The following TMC6 variants were observed in gnomAD, a reference collection of about 807,000 sequenced individuals.
TMC6 encodes the protein transmembrane channel like 6.
In TMC6, 71 loss-of-function variants were observed where a neutral mutation model predicts 95.4. That is an observed-to-expected ratio of 0.74 (90% CI 0.61 to 0.91). TMC6 has a LOEUF of 0.91. TMC6 is among the 40% of genes least tolerant of loss of function. TMC6 has a pLI of 0.00. For missense variants in TMC6, 1,074 were observed against 1,079.1 expected, an observed-to-expected ratio of 1.00 and a Z score of 0.07; for synonymous variants, 514 against 483.1, an observed-to-expected ratio of 1.06 and a Z score of -0.84.
chr17:78,117,215 C>A, intron 18 of TMC6, 54 bp downstream of exon 18: 1 of 1,582,326 alleles, frequency 6.3e-7, no homozygotes, highest in East Asian at 2.2e-5. Context: ...GGAGCGTCAC[C>A]CTCAGGTGAC....
chr17:78,118,380 C>T (rs1166861833), intron 15 of TMC6, among the ~76,000 whole-genome samples: 1 of 151,990 alleles, frequency 6.6e-6, no homozygotes, highest in Non-Finnish European at 1.5e-5. Context: ...ACAGTGAAAC[C>T]CCATCTCTAC....
At chr17:78,126,969 C>A (rs1050269298) in intron 1 of TMC6, 63 bp from the exon 2 acceptor site, 14 of 1,031,822 alleles carry the variant, frequency 1.4e-5, no homozygotes, top group Admixed American at 2.0e-5. Flanking sequence ...TCCACACCAC[C>A]CATTCCTGGG....
upstream of TMC6, chr17:78,130,632 T>C (rs1315442437): frequency 6.6e-6 from 1 of 152,306 alleles, no homozygotes; most frequent in African/African-American, 2.4e-5. Flanking sequence ...GCCTGTCACC[T>C]TCACCTCTGC....
chr17:78,128,999 G>T (rs2074888379), upstream of TMC6, among the ~76,000 whole-genome samples: 2 of 152,094 alleles, frequency 1.3e-5, no homozygotes, highest in Admixed American at 1.3e-4. This position sits in a 1 kb window ranked among gnomAD's most constrained non-coding sequence, Gnocchi z 4.0. Flanking sequence ...GTTTCCCCAA[G>T]TTCCAAAAAG....
chr17:78,124,515 C>T lies in TMC6; in HGVS notation c.891+9G>A. The stretch of plus-strand genomic sequence containing the variant: ...CACCCCCCGTCCCCCAGTCCTAGGG[C>T]TTCCTCACCGCGCCTGTGAGGAGCT... On this transcript the variant is annotated intron_variant, in intron 8 of 19. Transcript: ENST00000590602. The T allele has an allele frequency of 6.2e-7, 1 of 1,608,918 alleles. No homozygotes were observed. The highest frequency in any genetic ancestry group is 8.5e-7 in the Non-Finnish European group (1 of 1,179,790).
Position 78,119,052 on chromosome 17 carries a change from G to A in TMC6, c.1812-6C>T. ...GCGAGAAGAGCACCCCCAGCCTGGG[G>A]AGGGGGTGGCAGTTCAGGGGCTGCT... On this transcript the variant is annotated splice_region_variant and splice_polypyrimidine_tract_variant and intron_variant, in intron 14 of 19. Transcript: ENST00000590602. 1 of 1,577,600 alleles carries A rather than the reference G, an allele frequency of 6.3e-7. No homozygotes were observed. Among genetic ancestry groups the A allele is most frequent in the Non-Finnish European group, 8.6e-7 (1 of 1,161,254 alleles).
chr17:78,113,503 C>A, intron 19 of TMC6, 45 bp downstream of exon 19: 1 of 1,607,012 alleles, frequency 6.2e-7, no homozygotes, highest in Non-Finnish European at 8.5e-7. Context: ...TGGCCCCTCT[C>A]CCCTCCAGGC....
At chr17:78,114,363 C>G (rs1422879953) in intron 18 of TMC6, among the ~76,000 whole-genome samples, 8 of 152,170 alleles carry the variant, frequency 5.3e-5, no homozygotes, top group Non-Finnish European at 7.3e-5. Flanking sequence ...ATCTCCTATC[C>G]AAAGTCAGCT....
In TMC6 at chr17:78,122,454, G is replaced by A; in HGVS notation, c.1227+151C>T. 1.7e-6 allele frequency: 2 copies of A among 1,188,378 alleles called. No homozygotes were observed. The highest frequency in any genetic ancestry group is 2.3e-6 in the Non-Finnish European group (2 of 860,152). 73.6% of individuals were successfully genotyped at this position (1,188,378 alleles called of 1,614,324 possible). A position where few individuals can be genotyped will look rare whatever the true frequency, so the allele number is the denominator to read the frequency against. On this transcript the variant is annotated intron_variant, in intron 10 of 19. Coordinates refer to ENST00000590602, the MANE Select transcript of TMC6 (RefSeq NM_001127198.5). The surrounding 1 kb of genome is among the most constrained non-coding windows in gnomAD (Gnocchi z 4.9). ...CAGGGCCTGCCCGTCACTGCAAGCA[G>A]AAGACCACGCCTGCCCAGCGCCCCG...
At chr17:78,131,589 A>ATGC (rs1259899112), upstream of TMC6, 45 of 1,545,208 alleles carry the variant, frequency 2.9e-5, no homozygotes, top group Non-Finnish European at 3.8e-5. Flanking sequence ...GCCCGCCGAG[A>ATGC]TGCTGCTGCC....
intron 8 of TMC6, 164 bp downstream of exon 8, chr17:78,124,360 C>A (rs528228226): frequency 1.5e-6 from 2 of 1,344,732 alleles, no homozygotes; most frequent in Non-Finnish European, 2.0e-6. Context: ...GCACGATGAG[C>A]ATCCAGGGTC....
chr17:78,122,630 T>C lies in TMC6; in HGVS notation c.1202A>G (p.Gln401Arg). 6.2e-7 allele frequency: 1 copy of C among 1,611,848 alleles called. No homozygotes were observed. Among genetic ancestry groups the C allele is most frequent in the Non-Finnish European group, 8.5e-7 (1 of 1,179,914 alleles). The change falls in exon 10 of 20, where the codon CAG (glutamine) becomes CGG (arginine). Residue 401 changes from glutamine to arginine, a missense_variant. Coordinates refer to ENST00000590602, the MANE Select transcript of TMC6 (RefSeq NM_001127198.5). The surrounding 1 kb of genome is among the most constrained non-coding windows in gnomAD (Gnocchi z 4.9). ...VTQKRASRLQQDNIRTRLKEL... is the reference protein window; with the variant it reads ...VTQKRASRLQRDNIRTRLKEL... ...CTTCAGCCGGGTGCGAATATTGTCC[T>C]GCTGGAGGCGGGAGGCCCGCTTCTG...
intron 8 of TMC6, 148 bp downstream of exon 8, chr17:78,124,376 G>T (rs1380360485): frequency 2.9e-6 from 4 of 1,394,904 alleles, no homozygotes; most frequent in East Asian, 2.4e-5. Context: ...GGGTCATTGA[G>T]GGGGAGGCGG....
chr17:78,131,655 G>A (rs1343120953), upstream of TMC6: 1 of 1,564,472 alleles, frequency 6.4e-7, no homozygotes, highest in Non-Finnish European at 8.7e-7. Context: ...GGAGCTGTGG[G>A]AGGCAGAGAT....
In TMC6 at chr17:78,126,519, C is replaced by T; in HGVS notation, c.181+5G>A. On this transcript the variant is annotated splice_donor_5th_base_variant and intron_variant, in intron 3 of 19. Transcript: ENST00000590602. ...ACACCACCCAGCATCCAGGCCTGAG[C>T]TCACCTGTCACCTCCCGCTCTCTCT... The T allele has an allele frequency of 6.2e-7, 1 of 1,613,340 alleles. No homozygotes were observed. Among genetic ancestry groups the T allele is most frequent in the South Asian group, 1.1e-5 (1 of 91,086 alleles).
At position 78,121,834 on chromosome 17, in the gene TMC6, G is replaced by T; in HGVS notation, c.1228-123C>A. The T allele has an allele frequency of 1.5e-6, 2 of 1,298,764 alleles. No individual in the cohort carries two copies. The highest frequency in any genetic ancestry group is 1.5e-5 in the South Asian group (1 of 67,734). The allele number at this position is 1,298,764 out of a possible 1,614,324, so 80.5% of individuals were successfully genotyped here. A position where few individuals can be genotyped will look rare whatever the true frequency, so the allele number is the denominator to read the frequency against. ...CAGGAGGCTTGAACCAGGACAGAGGGCCAGTTCCCCATGCCCCACCTGCCC... is the reference window on the plus strand; with the variant it reads ...CAGGAGGCTTGAACCAGGACAGAGGTCCAGTTCCCCATGCCCCACCTGCCC... On this transcript the variant is annotated intron_variant, in intron 10 of 19. Coordinates refer to ENST00000590602, the MANE Select transcript of TMC6 (RefSeq NM_001127198.5). This position sits in a 1 kb window ranked among gnomAD's most constrained non-coding sequence, Gnocchi z 5.6.
upstream of TMC6, chr17:78,131,771 G>A (rs764428491): frequency 6.4e-6 from 10 of 1,562,026 alleles, no homozygotes; most frequent in South Asian, 1.2e-4. Flanking sequence ...CGGTGCGTGG[G>A]GGGGGTGCTG....
chr17:78,131,561 G>T, upstream of TMC6: 2 of 1,540,044 alleles, frequency 1.3e-6, no homozygotes. Flanking sequence ...GCAGCCCGGC[G>T]CCCCAGCCTC....
rs1488383576 is a variant in TMC6, at chr17:78,109,336, G to A, written c.*3812C>T. On this transcript the variant is annotated 3_prime_UTR_variant, in exon 20 of 20. Coordinates refer to ENST00000590602, the MANE Select transcript of TMC6 (RefSeq NM_001127198.5). Reference sequence around the variant, plus strand: ...CCGAGAAGATCCTCTGCAGGAGTGCGGTGTCTACGGATGGACCAAGAAAAC... The same window carrying A: ...CCGAGAAGATCCTCTGCAGGAGTGCAGTGTCTACGGATGGACCAAGAAAAC... The A allele has an allele frequency of 4.2e-5, 17 of 404,942 alleles. No homozygotes were observed. The highest frequency in any genetic ancestry group is 7.5e-5 in the Non-Finnish European group (15 of 199,756). The allele number at this position is 404,942 out of a possible 1,614,324, so 25.1% of individuals were successfully genotyped here. A position where few individuals can be genotyped will look rare whatever the true frequency, so the allele number is the denominator to read the frequency against.
Sources: allele counts gnomAD v4.1 joint callset (sites outside exome capture counted in the v4.1 genomes callset), GRCh38; gene constraint gnomAD v4.1.1; non-coding constraint Gnocchi (gnomAD v3.1); transcripts MANE v1.5; gene names NCBI Gene and HGNC (gene_info 2026-07-23, HGNC 2026-07-21).